The following ZSCAN23 variants were observed in gnomAD, a reference collection of about 807,000 sequenced individuals.
ZSCAN23 encodes the protein zinc finger and SCAN domain-containing protein 23.
Under a neutral mutation model 19.3 loss-of-function variants are expected in ZSCAN23, and 19 were observed. The ratio of observed to expected loss-of-function variants is 0.99; its 90% CI spans 0.69 to 1.45. ZSCAN23 has a LOEUF of 1.45. Among genes scored for constraint, ZSCAN23 ranks in the 40% most tolerant of loss-of-function variants. The pLI is 0.00. For synonymous variants in ZSCAN23, 140 were observed against 166.2 expected, an observed-to-expected ratio of 0.84 and a Z score of 1.21; for missense variants, 372 against 462.5, an observed-to-expected ratio of 0.80 and a Z score of 1.79.
chr6:28,431,352 TC>T (rs1295379145), downstream of ZSCAN23, among the ~76,000 whole-genome samples: 1 of 152,230 alleles, frequency 6.6e-6, no homozygotes, highest in East Asian at 1.9e-4. Context: ...GGACCGTACC[TC>T]CTGGTTTATA....
At chr6:28,424,457 C>G in the ZSCAN23 span, among the ~76,000 whole-genome samples, 6,470 of 152,146 alleles carry the variant, frequency 0.043, 334 homozygotes, top group African/African-American at 0.12. Flanking sequence ...GTTGATTCTT[C>G]CTTTCATGAA....
chr6:28,441,087 C>T (rs1055922083), intron 1 of ZSCAN23, among the ~76,000 whole-genome samples: 1 of 152,188 alleles, frequency 6.6e-6, no homozygotes, highest in Non-Finnish European at 1.5e-5. Flanking sequence ...AAAGTTGGTT[C>T]CTCCTAGAGC....
intron 1 of ZSCAN23, among the ~76,000 whole-genome samples, chr6:28,438,878 C>T (rs1761945095): frequency 6.6e-6 from 1 of 152,032 alleles, no homozygotes; most frequent in East Asian, 1.9e-4. Flanking sequence ...CATTACAACC[C>T]GAAGAAAAAT....
At chr6:28,425,724 T>A in the ZSCAN23 span, among the ~76,000 whole-genome samples, 4 of 152,220 alleles carry the variant, frequency 2.6e-5, no homozygotes, top group Non-Finnish European at 2.9e-5. Flanking sequence ...AGACTGTCCT[T>A]TGAAGCCAGG....
chr6:28,436,061 A>T lies in ZSCAN23; in HGVS notation c.206T>A (p.Leu69His). ...CAGCCACTGATGGCAGAGCTCCTGG[A>T]GTCTTTGAAGAGCCTCCCGGGGCCC... is the stretch of plus-strand genomic sequence containing the variant. The part of the protein sequence containing the change: ...SPGPREALQR[L>H]QELCHQWLRP... The change falls in exon 2 of 4, where the codon CTC (leucine) becomes CAC (histidine). Residue 69 changes from leucine to histidine, a missense_variant. Coordinates refer to ENST00000289788, the MANE Select transcript of ZSCAN23 (RefSeq NM_001012455.2). 1 of 1,614,162 alleles carries T rather than the reference A, an allele frequency of 6.2e-7. No individual in the cohort carries two copies. Among genetic ancestry groups the T allele is most frequent in the South Asian group, 1.1e-5 (1 of 91,086 alleles).
At chr6:28,442,819 G>T (rs1762028017) in intron 1 of ZSCAN23, among the ~76,000 whole-genome samples, 1 of 152,134 alleles carries the variant, frequency 6.6e-6, no homozygotes, top group Admixed American at 6.5e-5. Flanking sequence ...AAAAGGGGCG[G>T]GACAGAGAGG....
At chr6:28,430,233 A>G (rs1038902177), downstream of ZSCAN23, among the ~76,000 whole-genome samples, 1 of 152,018 alleles carries the variant, frequency 6.6e-6, no homozygotes, top group East Asian at 1.9e-4. Context: ...AGATTCCTCA[A>G]TTCGGCCCCA....
chr6:28,438,737 T>C (rs1761941589), intron 1 of ZSCAN23, among the ~76,000 whole-genome samples: 2 of 152,170 alleles, frequency 1.3e-5, no homozygotes, highest in Admixed American at 1.3e-4. Flanking sequence ...ATAATTAAAT[T>C]GTCTCCTACC....
the ZSCAN23 span, among the ~76,000 whole-genome samples, chr6:28,426,283 T>G: frequency 6.6e-6 from 1 of 152,362 alleles, no homozygotes; most frequent in South Asian, 2.1e-4. Context: ...GCTTAATCAT[T>G]TCTAGCTTTT....
intron 1 of ZSCAN23, among the ~76,000 whole-genome samples, 150 bp downstream of exon 1, chr6:28,443,245 CCAGG>C (rs1010929691): frequency 1.3e-5 from 2 of 152,166 alleles, no homozygotes; most frequent in African/African-American, 4.8e-5. Flanking sequence ...CAAAGCCCTT[CCAGG>C]CTGCGGAGCA....
At position 28,433,002 on chromosome 6, in the gene ZSCAN23, A is replaced by G. The variant is rs940959977; in HGVS notation, c.*1463T>C. On this transcript the variant is annotated 3_prime_UTR_variant, in exon 4 of 4. Transcript: ENST00000289788. ...TTTTGAACCAGGTGAAGAATGAATT[A>G]TCTTTTTAAAAAAGTCCTACTGAGT... 4 of 152,168 alleles carry G rather than the reference A, an allele frequency of 2.6e-5. No individual in the cohort carries two copies. Among genetic ancestry groups the G allele is most frequent in the African/African-American group, 9.6e-5 (4 of 41,456 alleles). The allele number at this position is 152,168 out of a possible 1,614,324, so 9.4% of individuals were successfully genotyped here. A position where few individuals can be genotyped will look rare whatever the true frequency, so the allele number is the denominator to read the frequency against.
downstream of ZSCAN23, among the ~76,000 whole-genome samples, chr6:28,429,326 G>A (rs17315340): frequency 0.068 from 10,293 of 152,234 alleles, 412 homozygotes; most frequent in South Asian, 0.17. Flanking sequence ...TTGCTTGAAT[G>A]TTCTAACTTC....
chr6:28,438,031 T>A (rs148676514), intron 1 of ZSCAN23, among the ~76,000 whole-genome samples: 1 of 152,146 alleles, frequency 6.6e-6, no homozygotes, highest in Non-Finnish European at 1.5e-5. Flanking sequence ...ATATTTTTGT[T>A]TTAAGTAAAA....
chr6:28,429,656 C>G (rs1761720069), downstream of ZSCAN23, among the ~76,000 whole-genome samples: 1 of 152,116 alleles, frequency 6.6e-6, no homozygotes, highest in South Asian at 2.1e-4. Context: ...TAGCTCTGTA[C>G]AGCGCTTTGT....
intron 1 of ZSCAN23, among the ~76,000 whole-genome samples, chr6:28,440,491 T>C (rs1444058968): frequency 6.6e-6 from 1 of 152,148 alleles, no homozygotes; most frequent in Non-Finnish European, 1.5e-5. Flanking sequence ...ATCTGCTGAA[T>C]TGGTTCTAGG....
intron 1 of ZSCAN23, among the ~76,000 whole-genome samples, chr6:28,442,828 G>C (rs1434918315): frequency 6.6e-6 from 1 of 152,208 alleles, no homozygotes; most frequent in Non-Finnish European, 1.5e-5. Context: ...GGGACAGAGA[G>C]GTGGGGTGTA....
intron 1 of ZSCAN23, among the ~76,000 whole-genome samples, chr6:28,438,785 G>A (rs989948178): frequency 1.3e-5 from 2 of 152,112 alleles, no homozygotes; most frequent in African/African-American, 2.4e-5. Flanking sequence ...ATGAGAAATT[G>A]GGAACTATAA....
the ZSCAN23 span, among the ~76,000 whole-genome samples, chr6:28,423,387 T>G: frequency 6.6e-6 from 1 of 152,248 alleles, no homozygotes; most frequent in South Asian, 2.1e-4. Context: ...TTCTTCATTT[T>G]ACCTTTCCTC....
intron 1 of ZSCAN23, among the ~76,000 whole-genome samples, chr6:28,441,673 A>G (rs556571901): frequency 6.6e-6 from 1 of 152,166 alleles, no homozygotes; most frequent in Non-Finnish European, 1.5e-5. Flanking sequence ...GGAATATAGA[A>G]TTCTTTCACC....
Sources: gnomAD v4.1 joint callset for allele counts (sites outside exome capture counted in the v4.1 genomes callset) on GRCh38, gnomAD v4.1.1 for gene constraint, MANE v1.5 for transcripts, NCBI Gene and HGNC (gene_info 2026-07-23, HGNC 2026-07-21) for gene names.